DCLK2: variants seen among roughly 807,000 people sequenced by gnomAD.
DCLK2 encodes doublecortin like kinase 2.
A neutral mutation model predicts 78.4 loss-of-function variants in DCLK2; 31 were observed. The ratio of observed to expected loss-of-function variants is 0.40; its 90% CI spans 0.30 to 0.53. The LOEUF (loss-of-function observed/expected upper bound fraction) is 0.53. Ranked by LOEUF, DCLK2 falls within the 20% of genes least tolerant of loss-of-function variation. The probability of loss-of-function intolerance (pLI) is 0.61; values close to 1 mark genes in which losing one functional copy is unlikely to be tolerated. For missense variants in DCLK2, 872 were observed against 973.7 expected, an observed-to-expected ratio of 0.90 and a Z score of 1.39; for synonymous variants, 407 against 374.9, an observed-to-expected ratio of 1.09 and a Z score of -0.99.
chr4:150,235,917 C>T (rs546293325), intron 10 of DCLK2, among the ~76,000 whole-genome samples: 18 of 152,144 alleles, frequency 1.2e-4, no homozygotes, highest in Non-Finnish European at 4.4e-5. Context: ...TCAGGGAGCA[C>T]AGGGGTGGCC....
At chr4:150,139,695 A>G (rs1733974383) in intron 2 of DCLK2, among the ~76,000 whole-genome samples, 1 of 152,220 alleles carries the variant, frequency 6.6e-6, no homozygotes, top group South Asian at 2.1e-4. Context: ...TCCAAAGCTA[A>G]TGCACCCTGT....
intron 2 of DCLK2, among the ~76,000 whole-genome samples, chr4:150,159,945 C>T (rs990421890): frequency 6.6e-6 from 1 of 151,798 alleles, no homozygotes; most frequent in East Asian, 1.9e-4. Context: ...AGTGTGACTT[C>T]CTTTTCCTTC....
At chr4:150,093,962 A>G (rs1730284623) in intron 1 of DCLK2, among the ~76,000 whole-genome samples, 1 of 152,244 alleles carries the variant, frequency 6.6e-6, no homozygotes, top group South Asian at 2.1e-4. Context: ...ACAATGGGGA[A>G]AGGACAGATT....
chr4:150,162,055 G>C (rs918665978), intron 2 of DCLK2, among the ~76,000 whole-genome samples: 4 of 152,160 alleles, frequency 2.6e-5, no homozygotes, highest in Admixed American at 6.5e-5. Context: ...TTTTGAAACA[G>C]GGTCTTGCCC....
chr4:150,254,418 C>T (rs1028602471), intron 15 of DCLK2: 1 of 399,028 alleles, frequency 2.5e-6, no homozygotes, highest in Non-Finnish European at 4.4e-6. Context: ...TTGCTTCCCT[C>T]TGGCTAGGTC....
At chr4:150,188,622 C>T (rs1738135590) in intron 2 of DCLK2, among the ~76,000 whole-genome samples, 1 of 152,062 alleles carries the variant, frequency 6.6e-6, no homozygotes, top group South Asian at 2.1e-4. Context: ...GATCCAAGGG[C>T]CGGGCATGGT....
intron 2 of DCLK2, among the ~76,000 whole-genome samples, chr4:150,140,826 G>A (rs931368238): frequency 1.3e-5 from 2 of 152,174 alleles, no homozygotes; most frequent in Non-Finnish European, 2.9e-5. Flanking sequence ...TAGTAAATAT[G>A]TACTAGATTA....
At chr4:150,240,624 A>G (rs1211897003) in intron 12 of DCLK2, 148 bp downstream of exon 12, 2 of 597,952 alleles carry the variant, frequency 3.3e-6, no homozygotes, top group Non-Finnish European at 5.9e-6. Context: ...GGGGAGGGAT[A>G]GCATTGGAAG....
intron 15 of DCLK2, chr4:150,253,788 G>A: frequency 8.1e-6 from 8 of 985,462 alleles, no homozygotes; most frequent in Non-Finnish European, 9.6e-6. Flanking sequence ...GCTGGTGAGA[G>A]CACGGGAGGA....
intron 2 of DCLK2, among the ~76,000 whole-genome samples, chr4:150,137,850 T>C (rs1733809126): frequency 1.3e-5 from 2 of 152,210 alleles, no homozygotes; most frequent in African/African-American, 4.8e-5. Flanking sequence ...TTTTCCATAT[T>C]GCTTAAAATC....
intron 7 of DCLK2, among the ~76,000 whole-genome samples, chr4:150,223,738 T>G (rs910027279): frequency 7.4e-6 from 1 of 135,920 alleles, no homozygotes; most frequent in Non-Finnish European, 1.6e-5. Flanking sequence ...AGCAAGACTC[T>G]CTCTCAATAA....
intron 2 of DCLK2, among the ~76,000 whole-genome samples, chr4:150,160,779 C>T (rs1026694730): frequency 4.6e-5 from 7 of 152,104 alleles, no homozygotes; most frequent in East Asian, 1.9e-4. Context: ...CTCTTTGCTC[C>T]GGATATTTGG....
Position 150,249,563 on chromosome 4 carries a change from T to G in DCLK2, c.1957-5T>G, listed in dbSNP as rs75880341. The stretch of plus-strand genomic sequence containing the variant: ...CATTGTATTTGATTGTTTTCTTTCC[T>G]GTAGGATGATGCCTCCCAGGAGAAT... On this transcript the variant is annotated splice_region_variant and splice_polypyrimidine_tract_variant and intron_variant, in intron 14 of 15. Transcript: ENST00000296550. The G allele has an allele frequency of 1.1e-3, 1,813 of 1,611,958 alleles. 16 individuals are homozygous for G. In the African/African-American group the frequency reaches 0.022, roughly 19 times the overall value.
At chr4:150,175,503 G>A (rs1737014924) in intron 2 of DCLK2, 1 of 152,044 alleles carries the variant, frequency 6.6e-6, no homozygotes, top group East Asian at 1.9e-4. Flanking sequence ...GGAGAATTGG[G>A]ACTCACGACA....
At chr4:150,221,897 C>T in intron 7 of DCLK2, 112 bp downstream of exon 7, 1 of 651,186 alleles carries the variant, frequency 1.5e-6, no homozygotes, top group South Asian at 2.7e-5. Flanking sequence ...TAAAAAGGCC[C>T]TTCTGGAAAG....
At chr4:150,183,333 G>A (rs974636907) in intron 2 of DCLK2, among the ~76,000 whole-genome samples, 37 of 152,230 alleles carry the variant, frequency 2.4e-4, no homozygotes, top group African/African-American at 8.2e-4. Context: ...GCAAATTGCA[G>A]TGCTTTAAAT....
intron 2 of DCLK2, among the ~76,000 whole-genome samples, chr4:150,120,772 A>C (rs960194135): frequency 6.6e-6 from 1 of 152,170 alleles, no homozygotes; most frequent in African/African-American, 2.4e-5. Context: ...CGTTAATTTA[A>C]AAAGGTTTAC....
At position 150,239,821 on chromosome 4, in the gene DCLK2, A is replaced by C; in HGVS notation, c.1646A>C (p.Tyr549Ser). ...GLATVVEGPL[Y>S]TVCGTPTYVA... ...GCGACTGTGGTAGAAGGCCCTTTAT[A>C]CACAGTCTGTGGCACACCCACTTAT... is the stretch of plus-strand genomic sequence containing the variant. The change falls in exon 11 of 16, where the codon TAC becomes TCC. Residue 549 changes from tyrosine (Y) to serine (S), a missense_variant. By Grantham distance (144) the Tyr-to-Ser change is moderately radical (BLOSUM62 -2). Around this residue, in one of 3 missense-constraint regions of DCLK2, gnomAD observed 86 missense variants for 150.3 expected, o/e 0.57. Coordinates refer to ENST00000296550, the MANE Select transcript of DCLK2 (RefSeq NM_001040260.4). The C allele has an allele frequency of 6.2e-7, 1 of 1,614,184 alleles. No homozygotes were observed. The highest frequency in any genetic ancestry group is 8.5e-7 in the Non-Finnish European group (1 of 1,180,024).
chr4:150,190,253 AG>A (rs1738334167), intron 2 of DCLK2, among the ~76,000 whole-genome samples: 1 of 94,510 alleles, frequency 1.1e-5, no homozygotes, highest in Non-Finnish European at 2.5e-5. Flanking sequence ...ATAGATAGAT[AG>A]ATAGATAGAT....
Sources: allele counts gnomAD v4.1 joint callset (sites outside exome capture counted in the v4.1 genomes callset), GRCh38; gene constraint gnomAD v4.1.1; regional missense constraint gnomAD v4.1.1; transcripts MANE v1.5; gene names NCBI Gene and HGNC (gene_info 2026-07-23, HGNC 2026-07-21).